The following KIAA1217 variants were observed in gnomAD, a reference collection of about 807,000 sequenced individuals.
KIAA1217 encodes sickle tail protein homolog.
Under a neutral mutation model 163.9 loss-of-function variants are expected in KIAA1217, and 88 were observed. That is an observed-to-expected ratio of 0.54 (90% CI 0.45 to 0.64). The LOEUF (loss-of-function observed/expected upper bound fraction) is 0.64, where lower values mean the gene tolerates loss of function less well. KIAA1217 is among the 30% of genes least tolerant of loss of function. KIAA1217 has a pLI of 0.00. For synonymous variants in KIAA1217, 903 were observed against 923.1 expected (o/e 0.98, Z 0.39); for missense variants, 2,372 against 2,475.0 (o/e 0.96, Z 0.88).
intron 1 of KIAA1217, among the ~76,000 whole-genome samples, chr10:23,726,964 C>T (rs1838182061): frequency 6.9e-6 from 1 of 145,244 alleles, no homozygotes. Flanking sequence ...ATTTCCATGC[C>T]ATTTGTATAG....
At chr10:24,439,525 G>C (rs2060318591) in intron 5 of KIAA1217, among the ~76,000 whole-genome samples, 1 of 152,104 alleles carries the variant, frequency 6.6e-6, no homozygotes. Context: ...CAAATTCAGT[G>C]ACTTAAAACA....
At position 23,985,196 on chromosome 10, in the gene KIAA1217, G is replaced by C. The variant is rs185592042; in HGVS notation, c.-320-22029G>C. ...TTGATTTTGTGCTTGTCCTGAGCTT[G>C]TATATTAATGATATACAATGCCCTT... On this transcript the variant is annotated intron_variant, in intron 1 of 18. Transcript: ENST00000376462. Among the ~76,000 whole-genome samples, 3 of 152,290 alleles carry C rather than the reference G, an allele frequency of 2.0e-5. No homozygotes were observed. The East Asian group carries it at 5.8e-4, about 29-fold the overall frequency.
At chr10:24,340,591 G>GCATCTCTTCCCTCCACCCA (rs1225599040) in intron 2 of KIAA1217, among the ~76,000 whole-genome samples, 3 of 151,882 alleles carry the variant, frequency 2.0e-5, no homozygotes, top group East Asian at 1.9e-4. Context: ...CCCTCCACCC[G>GCATCTCTTCCCTCCACCCA]CATCTCTTCC....
Position 23,964,571 on chromosome 10 carries a change from A to AT in KIAA1217, c.-320-42643dup, listed in dbSNP as rs199752247. The stretch of plus-strand genomic sequence containing the variant: ...TGGTAGAACACTATGTAACAGTTGA[A>AT]TTTTTTTTTTTGTCTTGCTCTGTCG... On this transcript the variant is annotated intron_variant, in intron 1 of 18. Transcript: ENST00000376462. Among the ~76,000 whole-genome samples the AT allele has an allele frequency of 1.9e-3, 279 of 145,636 alleles. 2 individuals are homozygous for AT. The highest frequency in any genetic ancestry group is 5.2e-3 in the African/African-American group (208 of 39,836).
chr10:23,822,823 T>C (rs760135484), intron 1 of KIAA1217, among the ~76,000 whole-genome samples: 12 of 152,172 alleles, frequency 7.9e-5, no homozygotes, highest in Non-Finnish European at 1.2e-4. Flanking sequence ...GATATGTATC[T>C]TGAGAATGAG....
At chr10:23,797,784 A>G (rs1324274140) in intron 1 of KIAA1217, among the ~76,000 whole-genome samples, 1 of 152,180 alleles carries the variant, frequency 6.6e-6, no homozygotes, top group Non-Finnish European at 1.5e-5. Flanking sequence ...CAACACTGGG[A>G]ATTAAAATTC....
chr10:24,354,300 C>T (rs2048805585), intron 2 of KIAA1217, among the ~76,000 whole-genome samples: 1 of 152,194 alleles, frequency 6.6e-6, no homozygotes, highest in Non-Finnish European at 1.5e-5. Flanking sequence ...GCTAGTCTAT[C>T]TGGCCACCTA....
intron 2 of KIAA1217, among the ~76,000 whole-genome samples, chr10:24,041,103 G>T (rs1194753506): frequency 6.6e-6 from 1 of 152,198 alleles, no homozygotes; most frequent in Non-Finnish European, 1.5e-5. Context: ...TGTAAATGGG[G>T]AATAGCACAG....
intron 5 of KIAA1217, 114 bp from the exon 6 acceptor site, chr10:24,473,114 T>G (rs2063703207): frequency 3.0e-6 from 2 of 676,494 alleles, no homozygotes; most frequent in Non-Finnish European, 4.9e-6. Context: ...TATTCACAGA[T>G]TCCAGGATGA....
chr10:23,933,267 T>A (rs1279611746), intron 1 of KIAA1217, among the ~76,000 whole-genome samples: 7 of 152,126 alleles, frequency 4.6e-5, no homozygotes, highest in Admixed American at 1.3e-4. Context: ...AAATAATATT[T>A]TTTGAAAAAC....
At chr10:23,923,163 A>T (rs574304847) in intron 1 of KIAA1217, among the ~76,000 whole-genome samples, 1 of 152,212 alleles carries the variant, frequency 6.6e-6, no homozygotes, top group African/African-American at 2.4e-5. Flanking sequence ...CTCATAGCAT[A>T]GCTCCCACAT....
At chr10:24,221,367 G>A (rs1337034984) in intron 2 of KIAA1217, among the ~76,000 whole-genome samples, 1 of 151,824 alleles carries the variant, frequency 6.6e-6, no homozygotes, top group Non-Finnish European at 1.5e-5. Flanking sequence ...GACGGGTGGG[G>A]GTGGGAAGGA....
intron 5 of KIAA1217, among the ~76,000 whole-genome samples, chr10:24,458,000 G>T (rs2061981614): frequency 6.6e-6 from 1 of 152,222 alleles, no homozygotes; most frequent in South Asian, 2.1e-4. Context: ...GAAGCAGATT[G>T]TGTCTCTGAA....
chr10:23,813,461 T>G (rs1564443984), intron 1 of KIAA1217, among the ~76,000 whole-genome samples: 1 of 152,102 alleles, frequency 6.6e-6, no homozygotes, highest in African/African-American at 2.4e-5. Flanking sequence ...TATCTATCTT[T>G]AAATAAGATC....
intron 6 of KIAA1217, among the ~76,000 whole-genome samples, chr10:24,489,757 G>C (rs2065870008): frequency 6.7e-6 from 1 of 150,008 alleles, no homozygotes; most frequent in East Asian, 2.0e-4. Context: ...CCAGCTACTT[G>C]GGGGGCTGAG....
At chr10:24,336,200 C>G (rs1360624048) in intron 2 of KIAA1217, among the ~76,000 whole-genome samples, 1 of 152,124 alleles carries the variant, frequency 6.6e-6, no homozygotes, top group Non-Finnish European at 1.5e-5. Flanking sequence ...CGAGACCGGG[C>G]CATTGCACTC....
intron 2 of KIAA1217, among the ~76,000 whole-genome samples, chr10:24,166,394 G>A (rs923856054): frequency 6.6e-6 from 1 of 152,098 alleles, no homozygotes; most frequent in African/African-American, 2.4e-5. Context: ...ATAAGATCTG[G>A]TGTTCAATAG....
chr10:24,257,209 A>G (rs950396435), intron 2 of KIAA1217, among the ~76,000 whole-genome samples: 1 of 152,194 alleles, frequency 6.6e-6, no homozygotes, highest in Non-Finnish European at 1.5e-5. Context: ...GAGGCTCTTC[A>G]GTTTCTACCT....
At chr10:24,344,620 T>G (rs1179659652) in intron 2 of KIAA1217, among the ~76,000 whole-genome samples, 9 of 152,222 alleles carry the variant, frequency 5.9e-5, no homozygotes, top group African/African-American at 2.2e-4. Flanking sequence ...TTGGGTATTT[T>G]CTAAAAGAGG....
Sources: gnomAD v4.1 joint callset for allele counts (sites outside exome capture counted in the v4.1 genomes callset) on GRCh38, gnomAD v4.1.1 for gene constraint, MANE v1.5 for transcripts, NCBI Gene and HGNC (gene_info 2026-07-23, HGNC 2026-07-21) for gene names.